Variants in DDO observed in about 807,000 individuals in gnomAD.
The protein encoded by DDO is D-aspartate oxidase.
In DDO, 16 loss-of-function variants were observed where a neutral mutation model predicts 16.8. The ratio of observed to expected loss-of-function variants is 0.95; its 90% CI spans 0.65 to 1.45. The LOEUF (loss-of-function observed/expected upper bound fraction) is 1.45. Ranked by LOEUF, DDO falls within the 40% of genes most tolerant of loss-of-function variation. The pLI is 0.00. For synonymous variants in DDO, 180 were observed against 167.2 expected, an observed-to-expected ratio of 1.08 and a Z score of -0.59; for missense variants, 429 against 420.3, an observed-to-expected ratio of 1.02 and a Z score of -0.18.
chr6:110,411,408 T>C (rs1188596910), intron 2 of DDO, among the ~76,000 whole-genome samples: 1 of 152,048 alleles, frequency 6.6e-6, no homozygotes, highest in Non-Finnish European at 1.5e-5. Context: ...AATTTGGAGA[T>C]GACAGATACT....
chr6:110,408,767 C>T (rs550533183), intron 2 of DDO, among the ~76,000 whole-genome samples: 1 of 152,304 alleles, frequency 6.6e-6, no homozygotes, highest in African/African-American at 2.4e-5. Context: ...AGGTCCTTGG[C>T]AGGTCTATAA....
chr6:110,403,462 T>C (rs1006926500), intron 4 of DDO, among the ~76,000 whole-genome samples: 4 of 152,204 alleles, frequency 2.6e-5, no homozygotes, highest in Admixed American at 2.0e-4. Context: ...AACTCCATCA[T>C]GTGATAGCTC....
At chr6:110,407,927 G>A (rs1272583513) in intron 3 of DDO, among the ~76,000 whole-genome samples, 1 of 152,088 alleles carries the variant, frequency 6.6e-6, no homozygotes, top group Non-Finnish European at 1.5e-5. Context: ...CAAGGACACC[G>A]AATAAATAAG....
intron 3 of DDO, 23 bp downstream of exon 3, chr6:110,408,311 T>G: frequency 6.2e-7 from 1 of 1,605,594 alleles, no homozygotes; most frequent in Non-Finnish European, 8.5e-7. Flanking sequence ...CACTCTAAAA[T>G]AACTTCAAAT....
At chr6:110,408,181 T>C (rs1773721032) in intron 3 of DDO, among the ~76,000 whole-genome samples, 153 bp downstream of exon 3, 1 of 152,252 alleles carries the variant, frequency 6.6e-6, no homozygotes, top group Non-Finnish European at 1.5e-5. Context: ...CTTCAGTTCT[T>C]TGGGGTAAAG....
At chr6:110,404,422 G>A (rs566676693) in intron 4 of DDO, among the ~76,000 whole-genome samples, 52 of 152,294 alleles carry the variant, frequency 3.4e-4, no homozygotes, top group African/African-American at 1.2e-3. Context: ...ATATCATTCT[G>A]TAGCTGGAAA....
chr6:110,400,344 G>A (rs972459630), intron 4 of DDO, among the ~76,000 whole-genome samples: 1 of 87,212 alleles, frequency 1.1e-5, no homozygotes, highest in African/African-American at 6.3e-5. Flanking sequence ...GGAGCGGGCC[G>A]GGGCGGGGAC....
At chr6:110,398,087 G>C (rs1038571521) in intron 4 of DDO, among the ~76,000 whole-genome samples, 1 of 152,140 alleles carries the variant, frequency 6.6e-6, no homozygotes, top group African/African-American at 2.4e-5. Flanking sequence ...ATCCTGGAGA[G>C]AGAGAATACC....
chr6:110,413,418 C>G lies in DDO; in HGVS notation c.45G>C (p.Gly15=). The change falls in exon 2 of 5, where the codon GGG becomes GGC. Residue 15 remains glycine (G), a synonymous_variant. Transcript: ENST00000368924. ...TGGAGATGCACACAGCCGTGGAGAG[C>G]CCCACCACACCTGCCCCGACAACTG... ...RIAVVGAGVV[G]LSTAVCISKL... 6.2e-7 allele frequency: 1 copy of G among 1,613,962 alleles called. No individual in the cohort carries two copies. The highest frequency in any genetic ancestry group is 8.5e-7 in the Non-Finnish European group (1 of 1,180,010).
rs536427536 is a variant in DDO, at chr6:110,403,587, C to T, written c.458+1187G>A. Among the ~76,000 whole-genome samples, 4 of 152,288 alleles carry T rather than the reference C, an allele frequency of 2.6e-5. No individual in the cohort carries two copies. The East Asian group carries it at 7.7e-4, about 29-fold the overall frequency. The stretch of plus-strand genomic sequence containing the variant: ...ATGGGTTTTATGAAACTAGAACTTA[C>T]AGAAGCAAAATGTCCCATATAAATT... On this transcript the variant is annotated intron_variant, in intron 4 of 4. Transcript: ENST00000368924.
chr6:110,415,559 A>G lies in DDO; in HGVS notation c.-97T>C. 2 of 1,613,670 alleles carry G rather than the reference A, an allele frequency of 1.2e-6. No individual in the cohort carries two copies. Among genetic ancestry groups the G allele is most frequent in the East Asian group, 4.5e-5 (2 of 44,882 alleles). On this transcript the variant is annotated 5_prime_UTR_variant, in exon 1 of 5. Coordinates refer to ENST00000368924, the MANE Select transcript of DDO (RefSeq NM_001372108.2). ...TGGCTGGTCTCATGCCCTGAGAGACAGAGAGAAAGCGAAACTGATTCCCAT... is the reference window on the plus strand; with the variant it reads ...TGGCTGGTCTCATGCCCTGAGAGACGGAGAGAAAGCGAAACTGATTCCCAT...
intron 3 of DDO, 115 bp from the exon 4 acceptor site, chr6:110,405,065 C>A (rs1773604527): frequency 9.4e-7 from 1 of 1,066,696 alleles, no homozygotes; most frequent in African/African-American, 1.6e-5. Flanking sequence ...GAGACAGAGT[C>A]TCACTCCATC....
At position 110,392,074 on chromosome 6, in the gene DDO, ATC is replaced by A; in HGVS notation, c.*699_*700del. 2 of 598,200 alleles carry A rather than the reference ATC, an allele frequency of 3.3e-6. No homozygotes were observed. The highest frequency in any genetic ancestry group is 4.2e-6 in the Non-Finnish European group (2 of 476,230). The allele number at this position is 598,200 out of a possible 1,614,324, so 37.1% of individuals were successfully genotyped here. On this transcript the variant is annotated 3_prime_UTR_variant, in exon 5 of 5. Coordinates refer to ENST00000368924, the MANE Select transcript of DDO (RefSeq NM_001372108.2). Reference sequence around the variant, plus strand: ...TGATATGACATACATAGGCAACTTCATCTCTGTCTCCTACCATCATTACCAGC... The same window carrying A: ...TGATATGACATACATAGGCAACTTCATCTGTCTCCTACCATCATTACCAGC...
chr6:110,398,398 A>ACC (rs369388298), intron 4 of DDO, among the ~76,000 whole-genome samples: 7 of 74,782 alleles, frequency 9.4e-5, no homozygotes, highest in Admixed American at 1.4e-4. Context: ...ACACACACAC[A>ACC]CACACACACA....
At chr6:110,409,010 G>A (rs1052865192) in intron 2 of DDO, among the ~76,000 whole-genome samples, 3 of 152,162 alleles carry the variant, frequency 2.0e-5, no homozygotes, top group African/African-American at 4.8e-5. Flanking sequence ...CTGGAGGCGA[G>A]CCCCCTGCAG....
intron 4 of DDO, among the ~76,000 whole-genome samples, chr6:110,399,146 T>A (rs1029596757): frequency 6.6e-6 from 1 of 152,238 alleles, no homozygotes; most frequent in African/African-American, 2.4e-5. Flanking sequence ...TCTGTGGGGT[T>A]TTTGTTTGTG....
chr6:110,415,398 C>T (rs1346155065), intron 1 of DDO, 69 bp downstream of exon 1: 1 of 1,596,492 alleles, frequency 6.3e-7, no homozygotes, highest in Non-Finnish European at 8.5e-7. Context: ...TGACCCTATT[C>T]AGACACACTC....
chr6:110,413,541 G>C (rs1379835952), intron 1 of DDO, 75 bp from the exon 2 acceptor site: 12 of 1,519,946 alleles, frequency 7.9e-6, no homozygotes, highest in Non-Finnish European at 1.1e-5. Context: ...GGTCTTGACA[G>C]TTTTTTCCTT....
chr6:110,393,583 T>C (rs534396136), intron 4 of DDO, among the ~76,000 whole-genome samples: 131 of 152,316 alleles, frequency 8.6e-4, no homozygotes, highest in Admixed American at 8.3e-3. Flanking sequence ...ACAAAGGAAA[T>C]TATATGCTTT....
Sources: allele counts gnomAD v4.1 joint callset (sites outside exome capture counted in the v4.1 genomes callset), GRCh38; gene constraint gnomAD v4.1.1; transcripts MANE v1.5; gene names NCBI Gene and HGNC (gene_info 2026-07-23, HGNC 2026-07-21).